RPSA2: variants seen among roughly 807,000 people sequenced by gnomAD.
RPSA2 encodes the protein small ribosomal subunit protein uS2B.
the RPSA2 span, among the ~76,000 whole-genome samples, chr19:23,829,032 G>C: frequency 6.6e-6 from 1 of 151,254 alleles, no homozygotes; most frequent in Admixed American, 6.6e-5. Flanking sequence ...TTGTTTCTTT[G>C]GAGTTTCAAT....
chr19:23,850,869 T>C, the RPSA2 span, among the ~76,000 whole-genome samples: 3 of 152,180 alleles, frequency 2.0e-5, no homozygotes, highest in Admixed American at 2.0e-4. Context: ...ATTATTCTTT[T>C]GTTGTTTAGA....
the RPSA2 span, chr19:23,790,785 C>T: frequency 1.9e-6 from 1 of 524,290 alleles, no homozygotes. Flanking sequence ...GTGAGATTGC[C>T]AGTTCCGACA....
At chr19:23,816,821 A>G in the RPSA2 span, among the ~76,000 whole-genome samples, 1 of 152,242 alleles carries the variant, frequency 6.6e-6, no homozygotes, top group African/African-American at 2.4e-5. Context: ...TCTGCCTTAT[A>G]AAGCCATCAG....
the RPSA2 span, among the ~76,000 whole-genome samples, chr19:23,782,914 A>G: frequency 6.6e-6 from 1 of 151,888 alleles, no homozygotes; most frequent in African/African-American, 2.4e-5. Flanking sequence ...TGCCTAGGCC[A>G]TCCCCTCAGG....
the RPSA2 span, among the ~76,000 whole-genome samples, chr19:23,826,488 T>G: frequency 6.6e-6 from 1 of 152,160 alleles, no homozygotes; most frequent in African/African-American, 2.4e-5. Context: ...CCACCATGCC[T>G]GGCCACAATT....
chr19:23,843,309 CAA>C, the RPSA2 span: 1 of 165,972 alleles, frequency 6.0e-6, no homozygotes, highest in Admixed American at 5.9e-5. Context: ...ATAACACAGA[CAA>C]GAGGTACAAA....
the RPSA2 span, among the ~76,000 whole-genome samples, chr19:23,826,040 A>AAAAC: frequency 9.3e-5 from 14 of 151,030 alleles, no homozygotes; most frequent in South Asian, 8.3e-4. Flanking sequence ...TCAAAAAAAA[A>AAAAC]CAAAATTTAC....
At chr19:23,783,773 A>G in the RPSA2 span, among the ~76,000 whole-genome samples, 1 of 152,098 alleles carries the variant, frequency 6.6e-6, no homozygotes, top group South Asian at 2.1e-4. Flanking sequence ...CATTCTGCCC[A>G]TAGAGAAGAT....
At chr19:23,783,284 G>T in the RPSA2 span, among the ~76,000 whole-genome samples, 1 of 151,724 alleles carries the variant, frequency 6.6e-6, no homozygotes, top group Admixed American at 6.6e-5. Flanking sequence ...TGATAGAGAC[G>T]GGGCTTCTCC....
At chr19:23,784,337 C>CA in the RPSA2 span, among the ~76,000 whole-genome samples, 1 of 152,216 alleles carries the variant, frequency 6.6e-6, no homozygotes, top group Non-Finnish European at 1.5e-5. Flanking sequence ...GTCACCCTCA[C>CA]ACATGGGCAG....
At chr19:23,758,811 G>A in the RPSA2 span, 3 of 1,611,388 alleles carry the variant, frequency 1.9e-6, no homozygotes, top group Non-Finnish European at 2.5e-6. Context: ...CAGGTCAGAG[G>A]GCCATAGAGG....
the RPSA2 span, chr19:23,832,924 T>C: frequency 6.5e-7 from 1 of 1,532,326 alleles, no homozygotes; most frequent in African/African-American, 1.4e-5. Context: ...TAACCTGTCT[T>C]CAAGCTTTAC....
the RPSA2 span, chr19:23,808,675 G>C: frequency 1.9e-6 from 1 of 538,656 alleles, no homozygotes; most frequent in African/African-American, 2.0e-5. Context: ...TTGGTAATTG[G>C]AGAATATGAG....
chr19:23,770,488 T>G, the RPSA2 span, among the ~76,000 whole-genome samples: 1 of 152,238 alleles, frequency 6.6e-6, no homozygotes, highest in African/African-American at 2.4e-5. Flanking sequence ...ATTTTGGGTA[T>G]AGTGACGTAT....
chr19:23,758,784 T>G, the RPSA2 span: 1 of 1,614,128 alleles, frequency 6.2e-7, no homozygotes, highest in African/African-American at 1.3e-5. Context: ...GTCTTAGCTA[T>G]GGATCGCCAA....
chr19:23,824,580 C>CTTTCTTTTT, the RPSA2 span, among the ~76,000 whole-genome samples: 41 of 63,820 alleles, frequency 6.4e-4, 12 homozygotes, highest in African/African-American at 1.0e-3. Context: ...TATAGCATTT[C>CTTTCTTTTT]TTTTTTTTTT....
At chr19:23,781,717 T>G in the RPSA2 span, among the ~76,000 whole-genome samples, 1 of 152,340 alleles carries the variant, frequency 6.6e-6, no homozygotes, top group South Asian at 2.1e-4. Flanking sequence ...ACCCCTGTAC[T>G]TAGACCCAAC....
chr19:23,767,862 G>A, the RPSA2 span, among the ~76,000 whole-genome samples: 14 of 145,140 alleles, frequency 9.6e-5, no homozygotes, highest in African/African-American at 3.6e-4. Flanking sequence ...CGCCTCCCGG[G>A]TTCAAGCTGT....
At chr19:23,766,994 C>A in the RPSA2 span, among the ~76,000 whole-genome samples, 3 of 152,090 alleles carry the variant, frequency 2.0e-5, no homozygotes, top group Admixed American at 6.6e-5. Flanking sequence ...GCTCTGTCAT[C>A]CAGGCTGGAG....
Sources: gnomAD v4.1 joint callset for allele counts (sites outside exome capture counted in the v4.1 genomes callset) on GRCh38, gnomAD v4.1.1 for gene constraint, MANE v1.5 for transcripts, NCBI Gene and HGNC (gene_info 2026-07-23, HGNC 2026-07-21) for gene names.